ZBTB7A: variants seen among roughly 807,000 people sequenced by gnomAD.
The protein encoded by ZBTB7A is zinc finger and BTB domain-containing protein 7A.
In ZBTB7A, 7 loss-of-function variants were observed where a neutral mutation model predicts 26.7. The observed-to-expected ratio is 0.26, with a 90% CI of 0.15 to 0.49. The LOEUF (loss-of-function observed/expected upper bound fraction) is 0.49. Ranked by LOEUF, ZBTB7A falls within the 20% of genes least tolerant of loss-of-function variation. The pLI is 0.98. For synonymous variants in ZBTB7A, 452 were observed against 441.0 expected (o/e 1.02, Z -0.31); for missense variants, 617 against 919.5 (o/e 0.67, Z 4.25).
Position 4,054,349 on chromosome 19 carries a change from C to T in ZBTB7A, c.884G>A (p.Gly295Asp). ...GCCCTCGGCCGCTCCCGACAGGAAG[C>T]CCGGAGAGTCGCCCGGCTCGGGGGC... is the stretch of plus-strand genomic sequence containing the variant. ...EAAPEPGDSP[G>D]FLSGAAEGED... The change falls in exon 2 of 3, where the codon GGC becomes GAC. Residue 295 changes from glycine to aspartate, a missense_variant. Physicochemically the swap from Gly to Asp is moderately conservative, Grantham distance 94. Transcript: ENST00000322357. The T allele has an allele frequency of 6.7e-7, 1 of 1,488,708 alleles. No homozygotes were observed. Among genetic ancestry groups the T allele is most frequent in the Non-Finnish European group, 8.9e-7 (1 of 1,128,908 alleles). The allele number at this position is 1,488,708 out of a possible 1,614,324, so 92.2% of individuals were successfully genotyped here. A position where few individuals can be genotyped will look rare whatever the true frequency, so the allele number is the denominator to read the frequency against.
Position 4,055,041 on chromosome 19 carries a change from C to A in ZBTB7A, c.192G>T (p.Thr64=), listed in dbSNP as rs569496101. ...TCTGCTGGTCCACCACGGCGCCCGA[C>A]GTGAACAGCTTCTTGAAGTACTGGC... ...ACSQYFKKLF[T]SGAVVDQQNV... is the part of the protein sequence containing the mutation. Residue 64 remains threonine (T), a synonymous_variant, in exon 2 of 3, where the codon ACG becomes ACT. Coordinates refer to ENST00000322357, the MANE Select transcript of ZBTB7A (RefSeq NM_015898.4). 53 of 1,610,824 alleles carry A rather than the reference C, an allele frequency of 3.3e-5. 1 individual carries two copies. In the South Asian group the frequency reaches 5.8e-4, roughly 18 times the overall value.
rs2040414253 is a variant in ZBTB7A at position 4,046,192 on chromosome 19, C to CTGTGGG, written c.*1559_*1560insCCCACA. On this transcript the variant is annotated 3_prime_UTR_variant, in exon 3 of 3. Coordinates refer to ENST00000322357, the MANE Select transcript of ZBTB7A (RefSeq NM_015898.4). Reference sequence around the variant, plus strand: ...AAGGGGGAGCGGGGGGAACACAGCACGAACACCCCACAGTCCTGCCTTCGA... The same window carrying CTGTGGG: ...AAGGGGGAGCGGGGGGAACACAGCACTGTGGGGAACACCCCACAGTCCTGCCTTCGA... The CTGTGGG allele has an allele frequency of 7.5e-6, 3 of 397,388 alleles. No individual in the cohort carries two copies. The South Asian group carries it at 4.2e-4, about 55-fold the overall frequency. The allele number at this position is 397,388 out of a possible 1,614,324, so 24.6% of individuals were successfully genotyped here. A position where few individuals can be genotyped will look rare whatever the true frequency, so the allele number is the denominator to read the frequency against.
At chr19:4,065,396 C>T (rs1393264007) in intron 1 of ZBTB7A, 3 of 145,156 alleles carry the variant, frequency 2.1e-5, no homozygotes, top group Non-Finnish European at 4.6e-5. Flanking sequence ...GGCCCGCGGT[C>T]CCCCGCCGCC....
At chr19:4,060,074 C>A (rs2040623400) in intron 1 of ZBTB7A, among the ~76,000 whole-genome samples, 1 of 152,068 alleles carries the variant, frequency 6.6e-6, no homozygotes, top group Non-Finnish European at 1.5e-5. Flanking sequence ...CATCACAGCT[C>A]CTCCCCCGCG....
At position 4,055,206 on chromosome 19, in the gene ZBTB7A, G is replaced by T; in HGVS notation, c.27C>A (p.Ile9=). Residue 9 remains isoleucine (I), a synonymous_variant, in exon 2 of 3, where the codon ATC becomes ATA. Transcript: ENST00000322357. MAGGVDGP[I]GIPFPDHSSD... is the part of the protein sequence containing the mutation. Reference sequence around the variant, plus strand: ...TGCTGTGGTCGGGGAACGGGATCCCGATGGGGCCGTCCACGCCGCCGGCCA... The same window carrying T: ...TGCTGTGGTCGGGGAACGGGATCCCTATGGGGCCGTCCACGCCGCCGGCCA... The T allele has an allele frequency of 1.9e-6, 3 of 1,557,672 alleles. No homozygotes were observed. The highest frequency in any genetic ancestry group is 1.7e-6 in the Non-Finnish European group (2 of 1,151,742).
rs1466314533 is a variant in ZBTB7A at position 4,044,480 on chromosome 19, C to T, written c.*3272G>A. 1 of 150,686 alleles carries T rather than the reference C, an allele frequency of 6.6e-6. No homozygotes were observed. The highest frequency in any genetic ancestry group is 2.4e-5 in the African/African-American group (1 of 41,062). The allele number at this position is 150,686 out of a possible 1,614,324, so 9.3% of individuals were successfully genotyped here. On this transcript the variant is annotated 3_prime_UTR_variant, in exon 3 of 3. Transcript: ENST00000322357. Reference sequence around the variant, plus strand: ...GTAGCAAAGATGCTTCTCTCTCTCTCCTGGGCCCGGCAGGCTGGGGGGCAC... The same window carrying T: ...GTAGCAAAGATGCTTCTCTCTCTCTTCTGGGCCCGGCAGGCTGGGGGGCAC...
Position 4,059,381 on chromosome 19 carries a change from C to CG in ZBTB7A, c.-15-4135dup, listed in dbSNP as rs1449834746. 2.0e-5 allele frequency among the ~76,000 whole-genome samples: 3 copies of CG among 152,228 alleles called. No individual in the cohort carries two copies. In the South Asian group the frequency reaches 6.2e-4, roughly 32 times the overall value. ...GAAGATCCCAGTTCCAGGTTGGGTC[C>CG]GGGGGTCCCAGTCTCTGCCCTCTCC... On this transcript the variant is annotated intron_variant, in intron 1 of 2. Coordinates refer to ENST00000322357, the MANE Select transcript of ZBTB7A (RefSeq NM_015898.4).
At chr19:4,055,433 C>T (rs1372169559) in intron 1 of ZBTB7A, 186 bp from the exon 2 acceptor site, 2 of 985,210 alleles carry the variant, frequency 2.0e-6, no homozygotes, top group Non-Finnish European at 2.4e-6. Context: ...CAGCTGTGCA[C>T]CAAAGCGATA....
chr19:4,058,017 C>A (rs1167718169), intron 1 of ZBTB7A, among the ~76,000 whole-genome samples: 1 of 152,160 alleles, frequency 6.6e-6, no homozygotes, highest in Non-Finnish European at 1.5e-5. Context: ...TTCAGGGGGG[C>A]TCTGAGTCAG....
At chr19:4,055,485 AAT>A in intron 1 of ZBTB7A, 1 of 985,210 alleles carries the variant, frequency 1.0e-6, no homozygotes, top group Middle Eastern at 5.2e-4. Context: ...GTGTGTCTTT[AAT>A]ACAGAGACAG....
rs1203365276 is a variant in ZBTB7A, at chr19:4,046,601, T to A, written c.*1151A>T. The A allele has an allele frequency of 6.7e-6, 1 of 150,328 alleles. No individual in the cohort carries two copies. Among genetic ancestry groups the A allele is most frequent in the Non-Finnish European group, 1.5e-5 (1 of 67,494 alleles). 9.3% of individuals were successfully genotyped at this position (150,328 alleles called of 1,614,324 possible). A position where few individuals can be genotyped will look rare whatever the true frequency, so the allele number is the denominator to read the frequency against. ...TTTTTTTTTCCTTCCTTTCATTTTG[T>A]AAAACCTTTTTTTTTTCTAGTTTGT... On this transcript the variant is annotated 3_prime_UTR_variant, in exon 3 of 3. Transcript: ENST00000322357.
chr19:4,060,696 C>T (rs758433707), intron 1 of ZBTB7A, among the ~76,000 whole-genome samples: 5 of 152,176 alleles, frequency 3.3e-5, no homozygotes, highest in Non-Finnish European at 5.9e-5. Flanking sequence ...GGTGGGCGAC[C>T]GGGGAAGGGG....
Position 4,054,433 on chromosome 19 carries a change from G to T in ZBTB7A, c.800C>A (p.Thr267Lys). Residue 267 changes from threonine to lysine, a missense_variant, in exon 2 of 3, where the codon ACG becomes AAG. Around this residue, in one of 5 missense-constraint regions of ZBTB7A, gnomAD observed 331 missense variants for 391.3 expected, o/e 0.85. Coordinates refer to ENST00000322357, the MANE Select transcript of ZBTB7A (RefSeq NM_015898.4). ...FPPPVAPPAA[T>K]QNGHYGRGGE... ...GCCGCGGCCGTAGTGGCCGTTCTGC[G>T]TGGCGGCCGGCGGGGCCACCGGCGG... The T allele has an allele frequency of 1.5e-6, 2 of 1,360,302 alleles. No homozygotes were observed. Among genetic ancestry groups the T allele is most frequent in the Non-Finnish European group, 9.4e-7 (1 of 1,064,360 alleles). 84.3% of individuals were successfully genotyped at this position (1,360,302 alleles called of 1,614,324 possible). A position where few individuals can be genotyped will look rare whatever the true frequency, so the allele number is the denominator to read the frequency against.
Position 4,045,616 on chromosome 19 carries a change from A to T in ZBTB7A, c.*2136T>A. Reference sequence around the variant, plus strand: ...ATGTGTGTGTCACAGAGAAGGGGGTATGGGGGGGTCGGGGGCAGGGAGACA... The same window carrying T: ...ATGTGTGTGTCACAGAGAAGGGGGTTTGGGGGGGTCGGGGGCAGGGAGACA... On this transcript the variant is annotated 3_prime_UTR_variant, in exon 3 of 3. Transcript: ENST00000322357. This position sits in a 1 kb window ranked among gnomAD's most constrained non-coding sequence, Gnocchi z 4.1. 1 of 284,844 alleles carries T rather than the reference A, an allele frequency of 3.5e-6. No individual in the cohort carries two copies. The highest frequency in any genetic ancestry group is 6.0e-6 in the Non-Finnish European group (1 of 166,234). The allele number at this position is 284,844 out of a possible 1,614,324, so 17.6% of individuals were successfully genotyped here.
intron 1 of ZBTB7A, among the ~76,000 whole-genome samples, chr19:4,057,674 G>C (rs574749968): frequency 6.6e-6 from 1 of 151,528 alleles, no homozygotes; most frequent in African/African-American, 2.4e-5. Flanking sequence ...CCAGCTACTC[G>C]GGAGGCTGAG....
intron 1 of ZBTB7A, among the ~76,000 whole-genome samples, chr19:4,064,777 C>A (rs1253959194): frequency 6.6e-6 from 1 of 152,184 alleles, no homozygotes; most frequent in Admixed American, 6.5e-5. Context: ...GGCACCAGCA[C>A]CTCTGTGACT....
intron 1 of ZBTB7A, among the ~76,000 whole-genome samples, chr19:4,061,127 C>T (rs773312317): frequency 8.5e-5 from 13 of 152,186 alleles, no homozygotes; most frequent in Non-Finnish European, 1.9e-4. Flanking sequence ...ACCTAATGTG[C>T]GCCAGAGCCA....
rs192591442 is a variant in ZBTB7A at position 4,059,864 on chromosome 19, C to T, written c.-15-4617G>A. 3.7e-3 allele frequency among the ~76,000 whole-genome samples: 570 copies of T among 152,276 alleles called. 3 individuals are homozygous for T. The highest frequency in any genetic ancestry group is 0.013 in the African/African-American group (554 of 41,556). ...CCGGGCCCAGCCAGAGCACCCCCGG[C>T]GGGGGCCACAAAGTCTTGGCAATAA... On this transcript the variant is annotated intron_variant, in intron 1 of 2. Coordinates refer to ENST00000322357, the MANE Select transcript of ZBTB7A (RefSeq NM_015898.4).
In ZBTB7A at chr19:4,048,174, C is replaced by T. The variant is rs1051733315; in HGVS notation, c.1333G>A (p.Ala445Thr). The change falls in exon 3 of 3, where the codon GCC becomes ACC. Residue 445 changes from alanine (A) to threonine (T), a missense_variant. Transcript: ENST00000322357. This position sits in a 1 kb window ranked among gnomAD's most constrained non-coding sequence, Gnocchi z 6.7. ...AGGTCGTAGTTGTGGGCAAAGGCGGCGCCGCACTGCTGGCACAGGTACGGC... is the reference window on the plus strand; with the variant it reads ...AGGTCGTAGTTGTGGGCAAAGGCGGTGCCGCACTGCTGGCACAGGTACGGC... ...EKPYLCQQCG[A>T]AFAHNYDLKN... 7.5e-6 allele frequency: 12 copies of T among 1,607,292 alleles called. No individual in the cohort carries two copies. The highest frequency in any genetic ancestry group is 9.3e-6 in the Non-Finnish European group (11 of 1,178,620).
Sources: gnomAD v4.1 joint callset for allele counts (sites outside exome capture counted in the v4.1 genomes callset) on GRCh38, gnomAD v4.1.1 for gene constraint, gnomAD v4.1.1 regional missense constraint, Gnocchi (gnomAD v3.1) non-coding constraint, MANE v1.5 for transcripts, NCBI Gene and HGNC (gene_info 2026-07-23, HGNC 2026-07-21) for gene names.